SLIT2: variants seen among roughly 807,000 people sequenced by gnomAD.
SLIT2 encodes the protein slit homolog 2 protein.
Under a neutral mutation model 185.7 loss-of-function variants are expected in SLIT2, and 41 were observed. The ratio of observed to expected loss-of-function variants is 0.22; its 90% CI spans 0.17 to 0.29. SLIT2 has a LOEUF of 0.29. Among genes scored for constraint, SLIT2 ranks in the 10% least tolerant of loss-of-function variants. The pLI, the probability that SLIT2 is intolerant of heterozygous loss-of-function variation, is 1.00. For synonymous variants in SLIT2, 693 were observed against 680.2 expected (o/e 1.02, Z -0.29); for missense variants, 1,571 against 1,909.0 (o/e 0.82, Z 3.30).
At chr4:20,413,787 C>T (rs1380374428) in intron 4 of SLIT2, among the ~76,000 whole-genome samples, 3 of 151,936 alleles carry the variant, frequency 2.0e-5, no homozygotes, top group Non-Finnish European at 4.4e-5. Context: ...TATTTTCAAT[C>T]TATTTGTGTT....
chr4:20,434,125 C>T (rs568262383), intron 4 of SLIT2, among the ~76,000 whole-genome samples: 1 of 152,194 alleles, frequency 6.6e-6, no homozygotes, highest in Admixed American at 6.5e-5. Context: ...AGGCAGGTAC[C>T]GACCCTAAAG....
chr4:20,599,705 T>G (rs1008822430), intron 33 of SLIT2, among the ~76,000 whole-genome samples: 1 of 152,174 alleles, frequency 6.6e-6, no homozygotes, highest in African/African-American at 2.4e-5. Context: ...AATATAAATT[T>G]TCTCTCCTTT....
intron 4 of SLIT2, among the ~76,000 whole-genome samples, chr4:20,421,737 A>G (rs998194375): frequency 6.6e-6 from 1 of 152,196 alleles, no homozygotes; most frequent in Admixed American, 6.5e-5. Flanking sequence ...CTTGCAATTC[A>G]CTAACATAGC....
chr4:20,477,491 G>A (rs1040437323), intron 5 of SLIT2, among the ~76,000 whole-genome samples: 4 of 152,124 alleles, frequency 2.6e-5, no homozygotes, highest in Non-Finnish European at 5.9e-5. Flanking sequence ...GAGCCACCAC[G>A]CCTAGCCGAG....
chr4:20,501,347 G>T (rs948770166), intron 9 of SLIT2, among the ~76,000 whole-genome samples: 1 of 152,058 alleles, frequency 6.6e-6, no homozygotes, highest in East Asian at 1.9e-4. Flanking sequence ...GTGCAGTGGC[G>T]TGATCTCGGC....
At chr4:20,584,886 C>A (rs1432447092) in intron 29 of SLIT2, among the ~76,000 whole-genome samples, 2 of 152,088 alleles carry the variant, frequency 1.3e-5, no homozygotes, top group African/African-American at 2.4e-5. Context: ...GAAACCCCGT[C>A]TCTACTTAAA....
In SLIT2 at chr4:20,253,732, G is replaced by T; in HGVS notation, c.-84G>T. On this transcript the variant is annotated 5_prime_UTR_variant, in exon 1 of 37. Coordinates refer to ENST00000504154, the MANE Select transcript of SLIT2 (RefSeq NM_004787.4). ...GGGTTGCTAGCCCCGCCGGGCACTG[G>T]GCCTCAGACACTGCGCGGTTCCCTC... 1 of 1,510,140 alleles carries T rather than the reference G, an allele frequency of 6.6e-7. No individual in the cohort carries two copies. The highest frequency in any genetic ancestry group is 1.2e-5 in the South Asian group (1 of 82,588). The allele number at this position is 1,510,140 out of a possible 1,614,324, so 93.5% of individuals were successfully genotyped here.
intron 11 of SLIT2, among the ~76,000 whole-genome samples, chr4:20,518,557 G>GTATGTATATATATATA (rs1553916592): frequency 3.4e-4 from 6 of 17,848 alleles, no homozygotes; most frequent in African/African-American, 8.9e-4. Context: ...CAGCCTATAT[G>GTATGTATATATATATA]TATATATATA....
chr4:20,589,584 C>T, intron 29 of SLIT2, 60 bp from the exon 30 acceptor site: 1 of 1,252,334 alleles, frequency 8.0e-7, no homozygotes, highest in Non-Finnish European at 1.2e-6. Context: ...ATGACACAGT[C>T]TGCTGGCAGG....
intron 4 of SLIT2, among the ~76,000 whole-genome samples, chr4:20,429,351 A>G (rs1057344140): frequency 5.3e-5 from 8 of 152,138 alleles, no homozygotes; most frequent in Non-Finnish European, 1.0e-4. Flanking sequence ...TCCTTATTCT[A>G]TATTTGGAAA....
intron 11 of SLIT2, among the ~76,000 whole-genome samples, chr4:20,516,553 A>G (rs1000250344): frequency 6.6e-6 from 1 of 152,024 alleles, no homozygotes; most frequent in Non-Finnish European, 1.5e-5. Flanking sequence ...TGTAGGACAA[A>G]TTCTCACTGG....
intron 26 of SLIT2, among the ~76,000 whole-genome samples, chr4:20,561,789 A>C (rs766999385): frequency 7.3e-5 from 11 of 151,702 alleles, no homozygotes; most frequent in Non-Finnish European, 1.5e-4. Flanking sequence ...GTAGTATGCT[A>C]AACGTACCAT....
chr4:20,462,986 T>G (rs928740085), intron 4 of SLIT2, among the ~76,000 whole-genome samples: 4 of 152,102 alleles, frequency 2.6e-5, no homozygotes, highest in Non-Finnish European at 5.9e-5. Context: ...TGCCAAGTCG[T>G]TTTTGAACAT....
intron 4 of SLIT2, among the ~76,000 whole-genome samples, chr4:20,431,569 C>A (rs1200115301): frequency 6.6e-6 from 1 of 151,732 alleles, no homozygotes; most frequent in Admixed American, 6.6e-5. Flanking sequence ...CCAGTGGGAA[C>A]AAAAAAGGAA....
chr4:20,444,650 C>T (rs1024867025), intron 4 of SLIT2, among the ~76,000 whole-genome samples: 2 of 152,156 alleles, frequency 1.3e-5, no homozygotes, highest in Non-Finnish European at 2.9e-5. Context: ...AGTATCGGTG[C>T]AATAAATCCT....
In SLIT2 at chr4:20,620,376, C is replaced by T. The variant is rs999858633; in HGVS notation, c.*1367C>T. 2.2e-6 allele frequency: 1 copy of T among 453,938 alleles called. No individual in the cohort carries two copies. The highest frequency in any genetic ancestry group is 4.4e-6 in the Non-Finnish European group (1 of 226,428). 28.1% of individuals were successfully genotyped at this position (453,938 alleles called of 1,614,324 possible). On this transcript the variant is annotated 3_prime_UTR_variant, in exon 37 of 37. Coordinates refer to ENST00000504154, the MANE Select transcript of SLIT2 (RefSeq NM_004787.4). ...AGAATTGATAATGGTTTATAGTGAA[C>T]TGTGCTCTTCCCTCATTAAAATCCC...
chr4:20,446,036 C>T (rs34935995), intron 4 of SLIT2, among the ~76,000 whole-genome samples: 1 of 152,190 alleles, frequency 6.6e-6, no homozygotes, highest in African/African-American at 2.4e-5. Flanking sequence ...TAGAAACCAG[C>T]TGTTCCCATC....
chr4:20,534,383 T>G (rs907219887), intron 18 of SLIT2, among the ~76,000 whole-genome samples: 1 of 152,188 alleles, frequency 6.6e-6, no homozygotes. Context: ...GAAAAAATTA[T>G]ATATGTTTCC....
chr4:20,538,284 C>T (rs559171475), intron 18 of SLIT2, among the ~76,000 whole-genome samples: 5 of 152,216 alleles, frequency 3.3e-5, no homozygotes, highest in Admixed American at 2.6e-4. Context: ...CAACTTCCCC[C>T]AGGGGCATGT....
Sources: gnomAD v4.1 joint callset for allele counts (sites outside exome capture counted in the v4.1 genomes callset) on GRCh38, gnomAD v4.1.1 for gene constraint, MANE v1.5 for transcripts, NCBI Gene and HGNC (gene_info 2026-07-23, HGNC 2026-07-21) for gene names.